PADI2: variants seen among roughly 807,000 people sequenced by gnomAD.
PADI2 encodes peptidyl arginine deiminase 2.
PADI2 carries 70 observed loss-of-function variants against 81.1 expected under a neutral mutation model. The observed-to-expected ratio is 0.86, with a 90% CI of 0.71 to 1.05. PADI2 has a LOEUF of 1.05. Ranked by LOEUF, PADI2 falls within the 50% of genes least tolerant of loss-of-function variation. PADI2 has a pLI of 0.00. For missense variants in PADI2, 853 were observed against 889.9 expected, an observed-to-expected ratio of 0.96 and a Z score of 0.53; for synonymous variants, 338 against 358.0, an observed-to-expected ratio of 0.94 and a Z score of 0.63.
intron 13 of PADI2, among the ~76,000 whole-genome samples, chr1:17,074,384 C>A (rs12741570): frequency 0.64 from 90,118 of 140,816 alleles, 27,611 homozygotes; most frequent in Middle Eastern, 0.73. Flanking sequence ...AAGAGCGAAA[C>A]TCTGTCTCAA....
In PADI2 at chr1:17,075,714, C is replaced by T; in HGVS notation, c.1420G>A (p.Glu474Lys). The T allele has an allele frequency of 1.2e-6, 2 of 1,614,090 alleles. No individual in the cohort carries two copies. Among genetic ancestry groups the T allele is most frequent in the African/African-American group, 2.7e-5 (2 of 75,040 alleles). ...SDWLTVGHVD[E>K]FMSFVPIPGT... ...GGGATGGGGACAAAGGACATGAACT[C>T]ATCCACGTGGCCCACAGTCAGCCAG... is the stretch of plus-strand genomic sequence containing the variant. Residue 474 changes from glutamate (E) to lysine (K), a missense_variant, in exon 12 of 16, where the codon GAG becomes AAG. Physicochemically the swap from Glu to Lys is moderately conservative, Grantham distance 56 (BLOSUM62 1). Coordinates refer to ENST00000375486, the MANE Select transcript of PADI2 (RefSeq NM_007365.3).
At chr1:17,106,086 T>C (rs1019658611) in intron 1 of PADI2, among the ~76,000 whole-genome samples, 1 of 152,170 alleles carries the variant, frequency 6.6e-6, no homozygotes, top group African/African-American at 2.4e-5. Context: ...GCCCAGTGCC[T>C]GGGTCCTAAC....
At chr1:17,075,621 G>A (rs3818035) in intron 12 of PADI2, 58 bp downstream of exon 12, 3 of 1,475,056 alleles carry the variant, frequency 2.0e-6, no homozygotes, top group African/African-American at 2.9e-5. Context: ...TGGCAGGGGC[G>A]GGTAATATAT....
Position 17,067,553 on chromosome 1 carries a change from T to A in PADI2, c.*1491A>T, listed in dbSNP as rs35058101. On this transcript the variant is annotated 3_prime_UTR_variant, in exon 16 of 16. Coordinates refer to ENST00000375486, the MANE Select transcript of PADI2 (RefSeq NM_007365.3). ...CTGCGGATTTCTGAATATAGTGGAC[T>A]GGCATTTCTAAAGAGCGCATCACTG... 79,567 of 152,136 alleles carry A rather than the reference T, an allele frequency of 0.52. 21,655 individuals are homozygous for A. Among genetic ancestry groups the A allele is most frequent in the Non-Finnish European group, 0.61 (41,487 of 68,004 alleles). 9.4% of individuals were successfully genotyped at this position (152,136 alleles called of 1,614,324 possible).
intron 1 of PADI2, among the ~76,000 whole-genome samples, chr1:17,107,597 C>T (rs554047114): frequency 1.3e-5 from 2 of 152,364 alleles, no homozygotes; most frequent in Admixed American, 1.3e-4. Flanking sequence ...CCCAGTACCA[C>T]ACTTTGAGAA....
chr1:17,100,047 G>GA (rs71969360), intron 3 of PADI2, among the ~76,000 whole-genome samples: 5 of 147,784 alleles, frequency 3.4e-5, no homozygotes, highest in Non-Finnish European at 6.1e-5. Flanking sequence ...ATTGGGGTTG[G>GA]GGGGGGGCTT....
At chr1:17,081,793 AAAAC>A (rs35674150) in intron 10 of PADI2, among the ~76,000 whole-genome samples, 17 of 152,108 alleles carry the variant, frequency 1.1e-4, no homozygotes, top group South Asian at 6.2e-4. Flanking sequence ...AGATGACTTA[AAAAC>A]AAACAAACAA....
chr1:17,074,813 C>G (rs1266547467), intron 13 of PADI2, 43 bp downstream of exon 13: 1 of 1,282,918 alleles, frequency 7.8e-7, no homozygotes, highest in East Asian at 2.4e-5. Context: ...CTCTCTGGGG[C>G]CTCCAGCTCG....
At chr1:17,082,399 C>T in intron 10 of PADI2, 146 bp downstream of exon 10, 2 of 637,850 alleles carry the variant, frequency 3.1e-6, no homozygotes, top group Non-Finnish European at 2.8e-6. Context: ...AGGCAGCTAT[C>T]CCAAGTGGAC....
intron 2 of PADI2, 40 bp downstream of exon 2, chr1:17,104,838 G>C: frequency 6.6e-7 from 1 of 1,506,448 alleles, no homozygotes; most frequent in Non-Finnish European, 8.9e-7. Context: ...ATCCTGGCAT[G>C]GTCCCGGGCC....
intron 6 of PADI2, among the ~76,000 whole-genome samples, chr1:17,091,056 C>A (rs1026845621): frequency 1.3e-5 from 2 of 151,858 alleles, no homozygotes; most frequent in African/African-American, 4.8e-5. Flanking sequence ...CCTGCGGCAG[C>A]GGAGCCAGCC....
chr1:17,113,391 C>A (rs1056517937), intron 1 of PADI2, among the ~76,000 whole-genome samples: 8 of 152,148 alleles, frequency 5.3e-5, no homozygotes, highest in African/African-American at 1.9e-4. Flanking sequence ...TCGATAACCC[C>A]ATGAGGCCCA....
At chr1:17,084,764 C>T in intron 7 of PADI2, 62 bp from the exon 8 acceptor site, 2 of 1,005,070 alleles carry the variant, frequency 2.0e-6, no homozygotes, top group Non-Finnish European at 1.5e-6. Context: ...TCTTTGCCTG[C>T]CTTTCAAAGC....
At chr1:17,103,392 C>T (rs1931224035) in intron 2 of PADI2, among the ~76,000 whole-genome samples, 1 of 152,156 alleles carries the variant, frequency 6.6e-6, no homozygotes, top group Non-Finnish European at 1.5e-5. Flanking sequence ...AGGGCTGAGG[C>T]TATTTTCTTT....
chr1:17,081,717 C>A (rs1305781931), intron 10 of PADI2, among the ~76,000 whole-genome samples: 6 of 152,214 alleles, frequency 3.9e-5, no homozygotes, highest in Non-Finnish European at 7.3e-5. Context: ...TCGGTTCTAA[C>A]TTCACACACT....
chr1:17,116,486 G>A (rs559104863), intron 1 of PADI2, among the ~76,000 whole-genome samples: 32 of 152,258 alleles, frequency 2.1e-4, no homozygotes, highest in African/African-American at 7.2e-4. Context: ...ACCTGTGTCC[G>A]GGCAGCAAAG....
rs560541629 is a variant in PADI2, at chr1:17,067,177, G to A, written c.*1867C>T. On this transcript the variant is annotated 3_prime_UTR_variant, in exon 16 of 16. Transcript: ENST00000375486. Reference sequence around the variant, plus strand: ...AAGACACACTGTCTGCACATGGGAGGCGCTCACTTCCCCCTAATGTAGACT... The same window carrying A: ...AAGACACACTGTCTGCACATGGGAGACGCTCACTTCCCCCTAATGTAGACT... 122 of 148,434 alleles carry A rather than the reference G, an allele frequency of 8.2e-4. No individual in the cohort carries two copies. Among genetic ancestry groups the A allele is most frequent in the African/African-American group, 3.0e-3 (121 of 39,896 alleles). 9.2% of individuals were successfully genotyped at this position (148,434 alleles called of 1,614,324 possible). A position where few individuals can be genotyped will look rare whatever the true frequency, so the allele number is the denominator to read the frequency against.
Position 17,088,736 on chromosome 1 carries a change from G to A in PADI2, c.656-2037C>T, listed in dbSNP as rs570795994. ...AGACTGGCCAACACAGTGAAACCCC[G>A]TCTCTACTAAAAATACAAAAATTAG... is the stretch of plus-strand genomic sequence containing the variant. On this transcript the variant is annotated intron_variant, in intron 6 of 15. Coordinates refer to ENST00000375486, the MANE Select transcript of PADI2 (RefSeq NM_007365.3). 3.5e-4 allele frequency among the ~76,000 whole-genome samples: 53 copies of A among 151,782 alleles called. No homozygotes were observed. The South Asian group carries it at 0.01, about 30-fold the overall frequency.
rs535135764 is a variant in PADI2, at chr1:17,076,227, T to C, written c.1311-404A>G. Among the ~76,000 whole-genome samples, 512 of 151,914 alleles carry C rather than the reference T, an allele frequency of 3.4e-3. 2 individuals are homozygous for C. Among genetic ancestry groups the C allele is most frequent in the Non-Finnish European group, 5.4e-3 (364 of 67,916 alleles). ...TCTACTTACTTTAATCTTTTTTTTT[T>C]CCCCCGAGATGGAGTCTTGCTATGT... On this transcript the variant is annotated intron_variant, in intron 11 of 15. Coordinates refer to ENST00000375486, the MANE Select transcript of PADI2 (RefSeq NM_007365.3).
Sources: allele counts gnomAD v4.1 joint callset (sites outside exome capture counted in the v4.1 genomes callset), GRCh38; gene constraint gnomAD v4.1.1; transcripts MANE v1.5; gene names NCBI Gene and HGNC (gene_info 2026-07-23, HGNC 2026-07-21).